Variants in GRM3 observed in about 807,000 individuals in gnomAD.
The protein encoded by GRM3 is metabotropic glutamate receptor 3.
In GRM3, 26 loss-of-function variants were observed where a neutral mutation model predicts 70.5. The observed-to-expected ratio is 0.37, with a 90% CI of 0.27 to 0.51. The LOEUF is 0.51. Among genes scored for constraint, GRM3 ranks in the 20% least tolerant of loss-of-function variants. The pLI, the probability that GRM3 is intolerant of heterozygous loss-of-function variation, is 0.93. For synonymous variants in GRM3, 443 were observed against 434.9 expected (o/e 1.02, Z -0.23); for missense variants, 859 against 1,123.8 (o/e 0.76, Z 3.37).
chr7:86,830,752 G>T (rs562451590), intron 3 of GRM3, among the ~76,000 whole-genome samples: 2 of 152,272 alleles, frequency 1.3e-5, no homozygotes, highest in African/African-American at 4.8e-5. Flanking sequence ...CCCAAAAAGA[G>T]ATATTTTGAA....
At chr7:86,647,791 C>A (rs573604776) in intron 1 of GRM3, among the ~76,000 whole-genome samples, 3 of 152,278 alleles carry the variant, frequency 2.0e-5, no homozygotes, top group East Asian at 3.9e-4. Flanking sequence ...TTAGCTCATA[C>A]CCCTCCTTCT....
rs552784779 is a variant in GRM3, at chr7:86,692,435, G to C, written c.-141+47563G>C. On this transcript the variant is annotated intron_variant, in intron 1 of 5. Transcript: ENST00000361669. ...TTCAAACATTCAAGGTTCTCCTTCA[G>C]ACCTGTTAGTCTTTTCTCACTGCCT... Among the ~76,000 whole-genome samples the C allele has an allele frequency of 2.6e-5, 4 of 152,204 alleles. No individual in the cohort carries two copies. In the South Asian group the frequency reaches 8.3e-4, roughly 32 times the overall value.
chr7:86,782,376 T>A (rs1371415209), intron 2 of GRM3, among the ~76,000 whole-genome samples: 1 of 152,004 alleles, frequency 6.6e-6, no homozygotes, highest in Non-Finnish European at 1.5e-5. Flanking sequence ...GATAACCTTT[T>A]TATATTATTT....
intron 1 of GRM3, among the ~76,000 whole-genome samples, chr7:86,655,161 T>C (rs571728193): frequency 3.3e-5 from 5 of 152,362 alleles, no homozygotes; most frequent in Admixed American, 2.6e-4. Flanking sequence ...CAGACCTTTC[T>C]GTTTGCACCA....
chr7:86,738,932 A>G (rs1466265066), intron 1 of GRM3, among the ~76,000 whole-genome samples: 1 of 152,216 alleles, frequency 6.6e-6, no homozygotes, highest in Non-Finnish European at 1.5e-5. Context: ...ATTCAAGAAT[A>G]CAATACATTG....
chr7:86,838,825 T>C lies in GRM3; in HGVS notation c.1325-14T>C, dbSNP rs1288245365. On this transcript the variant is annotated splice_polypyrimidine_tract_variant and intron_variant, in intron 3 of 5. Coordinates refer to ENST00000361669, the MANE Select transcript of GRM3 (RefSeq NM_000840.3). Reference sequence around the variant, plus strand: ...ACAAGTGTTCTTTTTTTTCTTTCACTTTACATATCACAGCTCCATTCAACC... The same window carrying C: ...ACAAGTGTTCTTTTTTTTCTTTCACCTTACATATCACAGCTCCATTCAACC... 1 of 1,503,590 alleles carries C rather than the reference T, an allele frequency of 6.7e-7. No individual in the cohort carries two copies. 93.1% of individuals were successfully genotyped at this position (1,503,590 alleles called of 1,614,324 possible). A position where few individuals can be genotyped will look rare whatever the true frequency, so the allele number is the denominator to read the frequency against.
intron 1 of GRM3, among the ~76,000 whole-genome samples, chr7:86,737,128 C>T (rs1451067279): frequency 6.6e-6 from 1 of 152,022 alleles, no homozygotes; most frequent in Non-Finnish European, 1.5e-5. Flanking sequence ...AGCATGAAAA[C>T]AGAAATAAGC....
At chr7:86,817,985 A>G (rs894796461) in intron 3 of GRM3, among the ~76,000 whole-genome samples, 1 of 151,922 alleles carries the variant, frequency 6.6e-6, no homozygotes, top group African/African-American at 2.4e-5. Flanking sequence ...TATACAACAT[A>G]CGCTGAGCCT....
intron 1 of GRM3, among the ~76,000 whole-genome samples, chr7:86,668,093 A>C (rs966080587): frequency 6.6e-6 from 1 of 152,116 alleles, no homozygotes; most frequent in Non-Finnish European, 1.5e-5. Context: ...ATTTCATTAG[A>C]TTCTTAACTC....
rs566275146 is a variant in GRM3 at position 86,801,631 on chromosome 7, C to T, written c.1324+14515C>T. Reference sequence around the variant, plus strand: ...TAAAAGAGAAAAAAATTCTTTCTGCCATCAAGTATCTTAGCAACTAGTAAG... The same window carrying T: ...TAAAAGAGAAAAAAATTCTTTCTGCTATCAAGTATCTTAGCAACTAGTAAG... On this transcript the variant is annotated intron_variant, in intron 3 of 5. Transcript: ENST00000361669. Among the ~76,000 whole-genome samples the T allele has an allele frequency of 1.2e-4, 19 of 152,242 alleles. No homozygotes were observed. The South Asian group carries it at 3.9e-3, about 32-fold the overall frequency.
chr7:86,767,140 G>A (rs1319523527), intron 2 of GRM3, among the ~76,000 whole-genome samples: 2 of 151,760 alleles, frequency 1.3e-5, no homozygotes, highest in African/African-American at 2.4e-5. Context: ...TGAACCCAGG[G>A]GGCAGAGATT....
chr7:86,685,413 G>C (rs1271197931), intron 1 of GRM3, among the ~76,000 whole-genome samples: 10 of 152,104 alleles, frequency 6.6e-5, no homozygotes, highest in Admixed American at 6.5e-4. Flanking sequence ...AGAAAAGCAA[G>C]CCCTGGTGTT....
At chr7:86,718,104 C>G (rs1178711070) in intron 1 of GRM3, among the ~76,000 whole-genome samples, 3 of 151,880 alleles carry the variant, frequency 2.0e-5, no homozygotes, top group Non-Finnish European at 2.9e-5. Context: ...GATATTTTAG[C>G]CTTTAAATGT....
In GRM3 at chr7:86,692,679, T is replaced by C. The variant is rs544006237; in HGVS notation, c.-141+47807T>C. Among the ~76,000 whole-genome samples, 5 of 152,360 alleles carry C rather than the reference T, an allele frequency of 3.3e-5. No individual in the cohort carries two copies. The South Asian group carries it at 1.0e-3, about 32-fold the overall frequency. Reference sequence around the variant, plus strand: ...TAGAATATTAAGGAATTTTTGCCTGTTTTATTCTTGAAGCTATCTCTGGTA... The same window carrying C: ...TAGAATATTAAGGAATTTTTGCCTGCTTTATTCTTGAAGCTATCTCTGGTA... On this transcript the variant is annotated intron_variant, in intron 1 of 5. Transcript: ENST00000361669.
chr7:86,664,925 A>C (rs972161401), intron 1 of GRM3, among the ~76,000 whole-genome samples: 3 of 152,084 alleles, frequency 2.0e-5, no homozygotes, highest in Non-Finnish European at 4.4e-5. Context: ...CAAATACCAG[A>C]GAGGAGATTG....
At chr7:86,699,043 C>CA (rs1266255425) in intron 1 of GRM3, among the ~76,000 whole-genome samples, 2 of 151,868 alleles carry the variant, frequency 1.3e-5, no homozygotes, top group East Asian at 3.9e-4. Context: ...ATCACATGTA[C>CA]AAAACCAGAG....
At chr7:86,821,755 T>A (rs200385249) in intron 3 of GRM3, among the ~76,000 whole-genome samples, 2 of 152,216 alleles carry the variant, frequency 1.3e-5, no homozygotes, top group East Asian at 1.9e-4. Context: ...GAAAAGAGAT[T>A]GTTTATGGTC....
At chr7:86,716,525 A>G (rs79907456) in intron 1 of GRM3, among the ~76,000 whole-genome samples, 1,853 of 151,938 alleles carry the variant, frequency 0.012, 39 homozygotes, top group African/African-American at 0.042. Flanking sequence ...AGATATCCTA[A>G]TATCCTTATC....
intron 1 of GRM3, among the ~76,000 whole-genome samples, chr7:86,752,558 G>C (rs2116365524): frequency 6.6e-6 from 1 of 152,202 alleles, no homozygotes; most frequent in African/African-American, 2.4e-5. Flanking sequence ...ACATTGAAAT[G>C]TGTACAACAA....
Sources: gnomAD v4.1 joint callset for allele counts (sites outside exome capture counted in the v4.1 genomes callset) on GRCh38, gnomAD v4.1.1 for gene constraint, MANE v1.5 for transcripts, NCBI Gene and HGNC (gene_info 2026-07-23, HGNC 2026-07-21) for gene names.